MUC17: variants seen among roughly 807,000 people sequenced by gnomAD.
The protein encoded by MUC17 is mucin 17, cell surface associated.
MUC17 carries 190 observed loss-of-function variants against 170.3 expected under a neutral mutation model. That is an observed-to-expected ratio of 1.12 (90% CI 0.99 to 1.26). MUC17 has a LOEUF of 1.26. Ranked by LOEUF, MUC17 falls within the 50% of genes most tolerant of loss-of-function variation. The pLI is 0.00. For synonymous variants in MUC17, 2,325 were observed against 2,002.5 expected, an observed-to-expected ratio of 1.16 and a Z score of -4.30; for missense variants, 6,415 against 5,530.0, an observed-to-expected ratio of 1.16 and a Z score of -5.08.
rs542016354 is a variant in MUC17, at chr7:101,034,214, C to T, written c.2798C>T (p.Thr933Ile). Reference protein sequence around the residue: ...STPLTSMPDSTTPVVSSEART... With the variant: ...STPLTSMPDSITPVVSSEART... ...CCATTAACAAGTATGCCTGACAGCA[C>T]CACGCCGGTAGTCAGTTCTGAGGCT... The change falls in exon 3 of 13, where the codon ACC becomes ATC. Residue 933 changes from threonine (T) to isoleucine (I), a missense_variant. Thr to Ile is a moderately conservative substitution (Grantham distance 89). Transcript: ENST00000306151. 6.2e-7 allele frequency: 1 copy of T among 1,601,310 alleles called. No homozygotes were observed. The highest frequency in any genetic ancestry group is 2.3e-5 in the East Asian group (1 of 43,612).
chr7:101,026,823 A>C (rs1221090417), intron 1 of MUC17, among the ~76,000 whole-genome samples: 1 of 152,014 alleles, frequency 6.6e-6, no homozygotes, highest in African/African-American at 2.4e-5. Flanking sequence ...CAAGTGATCC[A>C]CCTACCTCAG....
In MUC17 at chr7:101,041,421, T is replaced by C. The variant is rs1328327566; in HGVS notation, c.10005T>C (p.Tyr3335=). ...ADGTSMPTST[Y]SEGSTPLTNM... is the part of the protein sequence containing the mutation. The stretch of plus-strand genomic sequence containing the variant: ...GTACTAGCATGCCAACCTCAACTTA[T>C]AGTGAAGGAAGCACTCCACTAACAA... The change falls in exon 3 of 13, where the codon TAT becomes TAC. Residue 3335 remains tyrosine, a synonymous_variant. Coordinates refer to ENST00000306151, the MANE Select transcript of MUC17 (RefSeq NM_001040105.2). The C allele has an allele frequency of 3.7e-6, 6 of 1,614,146 alleles. No homozygotes were observed. The highest frequency in any genetic ancestry group is 2.2e-5 in the South Asian group (2 of 91,082).
chr7:101,037,675 G>T lies in MUC17; in HGVS notation c.6259G>T (p.Ala2087Ser). 2 of 1,612,482 alleles carry T rather than the reference G, an allele frequency of 1.2e-6. No homozygotes were observed. Among genetic ancestry groups the T allele is most frequent in the Non-Finnish European group, 1.7e-6 (2 of 1,179,654 alleles). The change falls in exon 3 of 13, where the codon GCT becomes TCT. Residue 2087 changes from alanine (A) to serine (S), a missense_variant. Transcript: ENST00000306151. Reference sequence around the variant, plus strand: ...TACTGAAGCCAGTTCATCTGCAACCGCTGAAGGTAGCAGCATGACAATCTC... The same window carrying T: ...TACTGAAGCCAGTTCATCTGCAACCTCTGAAGGTAGCAGCATGACAATCTC... Reference protein sequence around the residue: ...NSTEASSSATAEGSSMTISAP... With the variant: ...NSTEASSSATSEGSSMTISAP...
At chr7:101,029,451 G>C (rs1472798483) in intron 1 of MUC17, among the ~76,000 whole-genome samples, 1 of 152,088 alleles carries the variant, frequency 6.6e-6, no homozygotes, top group African/African-American at 2.4e-5. Context: ...TCCATTCTGG[G>C]TAGGTTTCCA....
Position 101,035,474 on chromosome 7 carries a change from CA to C in MUC17, c.4060del (p.Ile1354SerfsTer15), listed in dbSNP as rs776901893. On this transcript the variant is annotated frameshift_variant, in exon 3 of 13. Coordinates refer to ENST00000306151, the MANE Select transcript of MUC17 (RefSeq NM_001040105.2). LOFTEE classifies it high-confidence loss of function. Reference protein sequence around the residue: ...PVNTTLVASSAISILSTTPVD... With the variant: ...PVNTTLVASSXISILSTTPVD... ...AACACCACACTGGTGGCCAGTTCTG[CA>C]ATCAGCATCCTTTCAACAACTCCTG... is the stretch of plus-strand genomic sequence containing the variant. The C allele has an allele frequency of 5.0e-6, 8 of 1,600,838 alleles. No homozygotes were observed. The highest frequency in any genetic ancestry group is 6.8e-6 in the Non-Finnish European group (8 of 1,171,964).
rs200539443 is a variant in MUC17, at chr7:101,035,448, C to A, written c.4032C>A (p.Val1344=). The A allele has an allele frequency of 1.5e-4, 245 of 1,590,088 alleles. 1 individual carries two copies. Among genetic ancestry groups the A allele is most frequent in the Middle Eastern group, 1.5e-3 (9 of 5,950 alleles). The part of the protein sequence containing the change: ...EGRTPLTSIP[V]NTTLVASSAI... The stretch of plus-strand genomic sequence containing the variant: ...GAACTCCTTTAACAAGTATACCTGT[C>A]AACACCACACTGGTGGCCAGTTCTG... Residue 1344 remains valine (V), a synonymous_variant, in exon 3 of 13, where the codon GTC becomes GTA. Coordinates refer to ENST00000306151, the MANE Select transcript of MUC17 (RefSeq NM_001040105.2).
chr7:101,049,340 C>A lies in MUC17; in HGVS notation c.12680C>A (p.Ser4227Tyr), dbSNP rs1472700112. 1.2e-6 allele frequency: 2 copies of A among 1,614,050 alleles called. No individual in the cohort carries two copies. The highest frequency in any genetic ancestry group is 4.5e-5 in the East Asian group (2 of 44,880). ...GCCTTTCAGATGAATATTGTGTATT[C>A]CGGGATCCCTGAGTATGTCGGGGTG... is the stretch of plus-strand genomic sequence containing the variant. ...TFTEQMNIVY[S>Y]GIPEYVGVNI... is the part of the protein sequence containing the mutation. Residue 4227 changes from serine to tyrosine, a missense_variant, in exon 6 of 13, where the codon TCC becomes TAC. By Grantham distance (144) the Ser-to-Tyr change is moderately radical. Coordinates refer to ENST00000306151, the MANE Select transcript of MUC17 (RefSeq NM_001040105.2).
rs1481622758 is a variant in MUC17, at chr7:101,035,873, T to G, written c.4457T>G (p.Val1486Gly). The part of the protein sequence containing the change: ...STTPVDSNSP[V>G]VTSTAVSSSP... ...ACTCCTGTTGACTCTAACAGTCCTG[T>G]GGTCACTTCTACAGCAGTCAGTTCA... is the stretch of plus-strand genomic sequence containing the variant. The change falls in exon 3 of 13, where the codon GTG becomes GGG. Residue 1486 changes from valine (V) to glycine (G), a missense_variant. Coordinates refer to ENST00000306151, the MANE Select transcript of MUC17 (RefSeq NM_001040105.2). The G allele has an allele frequency of 6.2e-7, 1 of 1,606,744 alleles. No individual in the cohort carries two copies. Among genetic ancestry groups the G allele is most frequent in the East Asian group, 2.2e-5 (1 of 44,622 alleles).
Position 101,042,927 on chromosome 7 carries a change from ACCT to A in MUC17, c.11515_11517del (p.Pro3839del). Reference sequence around the variant, plus strand: ...CTTCTGAGGCCAGCACACTTTCAACACCTCCTGGTGATACCAGCACACCTTTGC... The same window carrying A: ...CTTCTGAGGCCAGCACACTTTCAACACCTGGTGATACCAGCACACCTTTGC... On this transcript the variant is annotated inframe_deletion, in exon 3 of 13. Transcript: ENST00000306151. 6.2e-7 allele frequency: 1 copy of A among 1,613,758 alleles called. No homozygotes were observed. Among genetic ancestry groups the A allele is most frequent in the East Asian group, 2.2e-5 (1 of 44,862 alleles).
chr7:101,042,945 C>T lies in MUC17; in HGVS notation c.11529C>T (p.Ser3843=). 1 of 1,614,162 alleles carries T rather than the reference C, an allele frequency of 6.2e-7. No homozygotes were observed. The highest frequency in any genetic ancestry group is 8.5e-7 in the Non-Finnish European group (1 of 1,180,034). Residue 3843 remains serine, a synonymous_variant, in exon 3 of 13, where the codon AGC becomes AGT. Coordinates refer to ENST00000306151, the MANE Select transcript of MUC17 (RefSeq NM_001040105.2). ...TTTCAACACCTCCTGGTGATACCAG[C>T]ACACCTTTGCTCACCTCTACCAAAG... ...STLSTPPGDT[S]TPLLTSTKAG...
In MUC17 at chr7:101,036,974, A is replaced by T; in HGVS notation, c.5558A>T (p.Glu1853Val). The T allele has an allele frequency of 1.3e-6, 2 of 1,584,206 alleles. No homozygotes were observed. Among genetic ancestry groups the T allele is most frequent in the Non-Finnish European group, 1.7e-6 (2 of 1,179,062 alleles). Reference sequence around the variant, plus strand: ...GTCAGTTCATCTCCTACACCTGCTGAAGGTACCAGCATAGCAACCTCAACG... The same window carrying T: ...GTCAGTTCATCTCCTACACCTGCTGTAGGTACCAGCATAGCAACCTCAACG... ...TAVSSSPTPA[E>V]GTSIATSTPS... Residue 1853 changes from glutamate (E) to valine (V), a missense_variant, in exon 3 of 13, where the codon GAA becomes GTA. Physicochemically the swap from Glu to Val is moderately radical, Grantham distance 121. Coordinates refer to ENST00000306151, the MANE Select transcript of MUC17 (RefSeq NM_001040105.2).
chr7:101,036,693 G>C lies in MUC17; in HGVS notation c.5277G>C (p.Thr1759=). 2 of 1,609,668 alleles carry C rather than the reference G, an allele frequency of 1.2e-6. No individual in the cohort carries two copies. The highest frequency in any genetic ancestry group is 1.7e-6 in the Non-Finnish European group (2 of 1,178,686). The change falls in exon 3 of 13, where the codon ACG becomes ACC. Residue 1759 remains threonine, a synonymous_variant. Coordinates refer to ENST00000306151, the MANE Select transcript of MUC17 (RefSeq NM_001040105.2). ...TPLTSIPVST[T]PVLSSEASTL... ...TAACAAGTATACCTGTCAGCACCACGCCGGTACTCAGTTCTGAGGCTAGCA... is the reference window on the plus strand; with the variant it reads ...TAACAAGTATACCTGTCAGCACCACCCCGGTACTCAGTTCTGAGGCTAGCA...
intron 3 of MUC17, among the ~76,000 whole-genome samples, chr7:101,046,549 G>A (rs1451929054): frequency 6.6e-6 from 1 of 152,138 alleles, no homozygotes. Flanking sequence ...GCTGAGACTG[G>A]AGAATTTGTT....
rs1471109060 is a variant in MUC17, at chr7:101,035,143, C to G, written c.3727C>G (p.Pro1243Ala). Reference sequence around the variant, plus strand: ...TGAGGCTAGCACCCTTTCAACATCTCCCGTTGACACCAGCACACCTGTGAC... The same window carrying G: ...TGAGGCTAGCACCCTTTCAACATCTGCCGTTGACACCAGCACACCTGTGAC... ...SSEASTLSTS[P>A]VDTSTPVTTS... The change falls in exon 3 of 13, where the codon CCC becomes GCC. Residue 1243 changes from proline to alanine, a missense_variant. By Grantham distance (27) the Pro-to-Ala change is conservative. Transcript: ENST00000306151. 2 of 1,610,124 alleles carry G rather than the reference C, an allele frequency of 1.2e-6. No homozygotes were observed. The highest frequency in any genetic ancestry group is 1.7e-6 in the Non-Finnish European group (2 of 1,178,594).
Position 101,022,689 on chromosome 7 carries a change from C to T in MUC17, c.82+2472C>T, listed in dbSNP as rs117257548. ...TAAATTAGCTGGAAATGGTGGTACACGCCTGTGTCCCACCTACCTGGGAGG... is the reference window on the plus strand; with the variant it reads ...TAAATTAGCTGGAAATGGTGGTACATGCCTGTGTCCCACCTACCTGGGAGG... On this transcript the variant is annotated intron_variant, in intron 1 of 12. Transcript: ENST00000306151. Among the ~76,000 whole-genome samples, 420 of 152,144 alleles carry T rather than the reference C, an allele frequency of 2.8e-3. 2 individuals are homozygous for T. The highest frequency in any genetic ancestry group is 0.015 in the South Asian group (72 of 4,810).
At chr7:101,049,162 G>A (rs530438199) in intron 5 of MUC17, among the ~76,000 whole-genome samples, 162 bp from the exon 6 acceptor site, 1 of 152,318 alleles carries the variant, frequency 6.6e-6, no homozygotes, top group South Asian at 2.1e-4. Context: ...GCTGCAGGAG[G>A]CCCCTGGGGT....
At position 101,035,617 on chromosome 7, in the gene MUC17, A is replaced by G; in HGVS notation, c.4201A>G (p.Ile1401Val). ...TGAAGGAACCACTCCGTTAACAAGT[A>G]TACCTGTCAGCACCACGCCGGTAGT... ...PSEGTTPLTSIPVSTTPVVSS... is the reference protein window; with the variant it reads ...PSEGTTPLTSVPVSTTPVVSS... The change falls in exon 3 of 13, where the codon ATA becomes GTA. Residue 1401 changes from isoleucine to valine, a missense_variant. Ile to Val is a conservative substitution (Grantham distance 29). Coordinates refer to ENST00000306151, the MANE Select transcript of MUC17 (RefSeq NM_001040105.2). The G allele has an allele frequency of 1.2e-6, 2 of 1,613,630 alleles. No individual in the cohort carries two copies. Among genetic ancestry groups the G allele is most frequent in the Non-Finnish European group, 1.7e-6 (2 of 1,179,734 alleles).
At chr7:101,025,438 G>A (rs905804903) in intron 1 of MUC17, among the ~76,000 whole-genome samples, 5 of 151,954 alleles carry the variant, frequency 3.3e-5, no homozygotes, top group African/African-American at 2.4e-5. Context: ...CAAGGCAGGC[G>A]GATCACTTGA....
chr7:101,042,284 T>C lies in MUC17; in HGVS notation c.10868T>C (p.Ile3623Thr), dbSNP rs778266749. The change falls in exon 3 of 13, where the codon ATC (isoleucine) becomes ACC (threonine). Residue 3623 changes from isoleucine to threonine, a missense_variant. Ile to Thr is a moderately conservative substitution (Grantham distance 89). Coordinates refer to ENST00000306151, the MANE Select transcript of MUC17 (RefSeq NM_001040105.2). Reference sequence around the variant, plus strand: ...TCTACTCCTACACCTCCTGAAGTTATCACCCTGCCAATGTCAACTCCTAGT... The same window carrying C: ...TCTACTCCTACACCTCCTGAAGTTACCACCCTGCCAATGTCAACTCCTAGT... ...SNSTPTPPEV[I>T]TLPMSTPSEV... is the part of the protein sequence containing the mutation. The C allele has an allele frequency of 1.7e-5, 28 of 1,611,408 alleles. No homozygotes were observed. The highest frequency in any genetic ancestry group is 1.5e-4 in the African/African-American group (11 of 74,000).
Sources: gnomAD v4.1 joint callset for allele counts (sites outside exome capture counted in the v4.1 genomes callset) on GRCh38, gnomAD v4.1.1 for gene constraint, MANE v1.5 for transcripts, NCBI Gene and HGNC (gene_info 2026-07-23, HGNC 2026-07-21) for gene names.